Variants in ZNF730 observed in about 807,000 individuals in gnomAD.
The protein encoded by ZNF730 is zinc finger protein 730.
ZNF730 carries 12 observed loss-of-function variants against 12.6 expected under a neutral mutation model. That is an observed-to-expected ratio of 0.95 (90% CI 0.61 to 1.54). ZNF730 has a LOEUF of 1.54. ZNF730 is among the 40% of genes most tolerant of loss of function. The probability of loss-of-function intolerance (pLI) is 0.00; values close to 1 mark genes in which losing one functional copy is unlikely to be tolerated. For missense variants in ZNF730, 643 were observed against 583.5 expected (o/e 1.10, Z -1.05); for synonymous variants, 194 against 195.8 (o/e 0.99, Z 0.08).
intron 1 of ZNF730, among the ~76,000 whole-genome samples, chr19:23,093,469 G>C (rs533793199): frequency 7.4e-4 from 112 of 152,308 alleles, no homozygotes; most frequent in African/African-American, 2.7e-3. Flanking sequence ...CATGGTGGGT[G>C]CCCCTGCTGT....
intron 1 of ZNF730, 112 bp downstream of exon 1, chr19:23,117,288 CCA>C (rs1272122507): frequency 1.1e-5 from 18 of 1,585,194 alleles, no homozygotes; most frequent in Non-Finnish European, 1.6e-5. Flanking sequence ...CAATCTGCGC[CCA>C]GAGTTCTTGC....
chr19:23,145,204 T>C (rs1970984360), intron 3 of ZNF730, 67 bp from the exon 4 acceptor site: 2 of 1,093,564 alleles, frequency 1.8e-6, no homozygotes, highest in African/African-American at 3.2e-5. Flanking sequence ...TATAACTTTA[T>C]AGGTTAGGTT....
intron 3 of ZNF730, among the ~76,000 whole-genome samples, chr19:23,143,176 C>T (rs980560283): frequency 3.3e-5 from 5 of 151,700 alleles, no homozygotes; most frequent in Admixed American, 1.3e-4. Flanking sequence ...CCCCGGGAGG[C>T]GGAGCTTGCA....
At chr19:23,114,341 T>C (rs1335383323), upstream of ZNF730, among the ~76,000 whole-genome samples, 195 of 131,390 alleles carry the variant, frequency 1.5e-3, 3 homozygotes, top group African/African-American at 5.6e-3. Flanking sequence ...GAGTCTCGCT[T>C]TGTCACCCAG....
At chr19:23,089,043 T>C (rs961701709) in intron 1 of ZNF730, among the ~76,000 whole-genome samples, 1 of 151,996 alleles carries the variant, frequency 6.6e-6, no homozygotes, top group African/African-American at 2.4e-5. Flanking sequence ...TGGCTAATTT[T>C]GTATTTTTAG....
At chr19:23,138,418 A>G (rs886597088) in intron 3 of ZNF730, among the ~76,000 whole-genome samples, 6 of 152,194 alleles carry the variant, frequency 3.9e-5, no homozygotes, top group African/African-American at 1.4e-4. Flanking sequence ...GAGTCATGCA[A>G]GTGCTTCGGG....
chr19:23,119,194 T>C (rs1970568884), intron 1 of ZNF730, among the ~76,000 whole-genome samples: 1 of 152,242 alleles, frequency 6.6e-6, no homozygotes. Context: ...GATAACTCAT[T>C]ATTTTGAACT....
rs71163442 is a variant in ZNF730 at position 23,077,424 on chromosome 19, CTTTTTTTTTTTTTTTT to C, written c.-94+2053_-94+2068del. ...AGCTTTTCCCATAATTCCCTAAGAG[CTTTTTTTTTTTTTTTT>C]TTTTTTTTTTTTTTTGAGATGGCGT... On this transcript the variant is annotated intron_variant, in intron 1 of 2. Coordinates refer to the ZNF730 transcript ENST00000593635. Among the ~76,000 whole-genome samples the C allele has an allele frequency of 9.0e-3, 409 of 45,624 alleles. 5 individuals are homozygous for C. Among genetic ancestry groups the C allele is most frequent in the Middle Eastern group, 0.053 (2 of 38 alleles). The allele number at this position is 45,624 out of a possible 152,430, so 29.9% of individuals were successfully genotyped here.
intron 1 of ZNF730, among the ~76,000 whole-genome samples, chr19:23,107,449 C>CAAAAAAAAAAAAAAA (rs57120684): frequency 8.5e-5 from 4 of 47,318 alleles, no homozygotes; most frequent in East Asian, 8.7e-4. Flanking sequence ...AAAAAAATAC[C>CAAAAAAAAAAAAAAA]AAAAAAAAAA....
chr19:23,082,338 G>A (rs1168931956), intron 1 of ZNF730, among the ~76,000 whole-genome samples: 3 of 150,880 alleles, frequency 2.0e-5, no homozygotes, highest in Non-Finnish European at 1.5e-5. Context: ...CCATGTTGTT[G>A]CAAATAGCAG....
At chr19:23,114,919 G>A (rs531854700), upstream of ZNF730, among the ~76,000 whole-genome samples, 53 of 152,084 alleles carry the variant, frequency 3.5e-4, 1 homozygote, top group African/African-American at 1.3e-3. Flanking sequence ...AGAGTACCTC[G>A]GACTACAGGC....
Position 23,133,086 on chromosome 19 carries a change from T to A in ZNF730, c.4-994T>A, listed in dbSNP as rs931638064. Among the ~76,000 whole-genome samples, 4 of 152,338 alleles carry A rather than the reference T, an allele frequency of 2.6e-5. No homozygotes were observed. In the East Asian group the frequency reaches 7.7e-4, roughly 29 times the overall value. ...CAGATTTCTTCAATATGGAGTTAAT[T>A]ATTTTTCTCTTCATTAGTAGTTTCT... On this transcript the variant is annotated intron_variant, in intron 1 of 3. Coordinates refer to ENST00000597761, the MANE Select transcript of ZNF730 (RefSeq NM_001277403.2).
In ZNF730 at chr19:23,145,728, C is replaced by G. The variant is rs1416394628; in HGVS notation, c.684C>G (p.Tyr228Ter). The change falls in exon 4 of 4, where the codon TAC (tyrosine) becomes TAG (stop). Residue 228 changes from tyrosine to a stop codon, truncating the protein, a stop_gained. Transcript: ENST00000597761. LOFTEE classifies it low-confidence loss of function (END_TRUNC). ...THKRITEKKP[Y>*]KCKECGKAFN... is the part of the protein sequence containing the mutation. ...AAAGAATTACTGAGAAAAAACCTTA[C>G]AAATGTAAAGAATGTGGCAAAGCCT... 2 of 1,558,296 alleles carry G rather than the reference C, an allele frequency of 1.3e-6. No individual in the cohort carries two copies. Among genetic ancestry groups the G allele is most frequent in the Non-Finnish European group, 1.7e-6 (2 of 1,153,006 alleles).
chr19:23,128,844 C>T (rs1970705501), intron 1 of ZNF730, among the ~76,000 whole-genome samples: 1 of 152,164 alleles, frequency 6.6e-6, no homozygotes. Flanking sequence ...GCCCAGAGGC[C>T]TAAAAGAAAA....
chr19:23,092,458 G>A (rs905548916), intron 1 of ZNF730, among the ~76,000 whole-genome samples: 2 of 151,682 alleles, frequency 1.3e-5, no homozygotes, highest in African/African-American at 4.8e-5. Flanking sequence ...GCATGGTGGT[G>A]CATGCCTATA....
chr19:23,098,856 T>C (rs1393114418), intron 1 of ZNF730, among the ~76,000 whole-genome samples: 1 of 152,152 alleles, frequency 6.6e-6, no homozygotes, highest in Admixed American at 6.5e-5. Flanking sequence ...TGATGATGAC[T>C]CTAATACTTT....
At chr19:23,144,615 G>A (rs182069122) in intron 3 of ZNF730, among the ~76,000 whole-genome samples, 10 of 150,700 alleles carry the variant, frequency 6.6e-5, no homozygotes, top group East Asian at 3.9e-4. Flanking sequence ...CAGGAGAATC[G>A]CCTGAACCTG....
At chr19:23,084,927 C>G (rs962458948) in intron 1 of ZNF730, among the ~76,000 whole-genome samples, 5 of 152,222 alleles carry the variant, frequency 3.3e-5, no homozygotes, top group African/African-American at 1.2e-4. Context: ...TGAACATACA[C>G]GTGAATGTGT....
chr19:23,092,874 ATACT>A (rs1194860129), intron 1 of ZNF730, among the ~76,000 whole-genome samples: 1 of 152,160 alleles, frequency 6.6e-6, no homozygotes, highest in African/African-American at 2.4e-5. Context: ...TTCATCAAAG[ATACT>A]TACCTGAAGC....
Sources: gnomAD v4.1 joint callset for allele counts (sites outside exome capture counted in the v4.1 genomes callset) on GRCh38, gnomAD v4.1.1 for gene constraint, MANE v1.5 for transcripts, NCBI Gene and HGNC (gene_info 2026-07-23, HGNC 2026-07-21) for gene names.